Variants in CCDC15 observed in about 807,000 individuals in gnomAD.
CCDC15 encodes coiled-coil domain-containing protein 15.
Under a neutral mutation model 114.5 loss-of-function variants are expected in CCDC15, and 105 were observed. That is an observed-to-expected ratio of 0.92 (90% CI 0.78 to 1.08). CCDC15 has a LOEUF of 1.08. Ranked by LOEUF, CCDC15 falls within the 50% of genes least tolerant of loss-of-function variation. The pLI is 0.00. For synonymous variants in CCDC15, 334 were observed against 377.8 expected, an observed-to-expected ratio of 0.88 and a Z score of 1.34; for missense variants, 1,105 against 1,093.6, an observed-to-expected ratio of 1.01 and a Z score of -0.15.
At chr11:125,033,565 G>A (rs1485245917) in intron 13 of CCDC15, among the ~76,000 whole-genome samples, 1 of 152,114 alleles carries the variant, frequency 6.6e-6, no homozygotes, top group Non-Finnish European at 1.5e-5. Flanking sequence ...CATTGGTTAA[G>A]GATATATCTT....
chr11:125,022,542 G>A (rs1477001024), intron 13 of CCDC15, among the ~76,000 whole-genome samples: 2 of 151,846 alleles, frequency 1.3e-5, no homozygotes, highest in East Asian at 3.9e-4. Flanking sequence ...GGACAGACTT[G>A]GTTTCACAAA....
At chr11:125,009,687 T>C (rs1384371147) in intron 13 of CCDC15, among the ~76,000 whole-genome samples, 1 of 152,186 alleles carries the variant, frequency 6.6e-6, no homozygotes, top group African/African-American at 2.4e-5. Context: ...TCAGTGTTTA[T>C]TGTTTTCATT....
intron 6 of CCDC15, among the ~76,000 whole-genome samples, chr11:124,983,453 T>C (rs931838687): frequency 6.6e-6 from 1 of 152,134 alleles, no homozygotes; most frequent in Non-Finnish European, 1.5e-5. Flanking sequence ...CCTTTGGATT[T>C]TTTTTTTTAA....
Position 124,986,776 on chromosome 11 carries a change from C to A in CCDC15, c.788C>A (p.Ser263Tyr), listed in dbSNP as rs1948172025. The change falls in exon 7 of 16, where the codon TCT becomes TAT. Residue 263 changes from serine (S) to tyrosine (Y), a missense_variant. By Grantham distance (144) the Ser-to-Tyr change is moderately radical. Transcript: ENST00000344762. ...LDYEEPDYEE[S>Y]SSLVTDEKGK... ...TATGAGGAACCTGACTATGAGGAAT[C>A]TTCATCTCTTGTAACTGATGAGAAA... 1.3e-6 allele frequency: 2 copies of A among 1,548,254 alleles called. No individual in the cohort carries two copies. Among genetic ancestry groups the A allele is most frequent in the Non-Finnish European group, 1.7e-6 (2 of 1,145,650 alleles).
At chr11:124,955,430 T>C (rs1457400329) in intron 2 of CCDC15, among the ~76,000 whole-genome samples, 1 of 152,250 alleles carries the variant, frequency 6.6e-6, no homozygotes, top group Non-Finnish European at 1.5e-5. Flanking sequence ...TTTCTGATAG[T>C]CTTTCACCAA....
chr11:124,974,099 T>G (rs1947931229), intron 4 of CCDC15, among the ~76,000 whole-genome samples: 1 of 152,094 alleles, frequency 6.6e-6, no homozygotes, highest in African/African-American at 2.4e-5. Flanking sequence ...CTCAGCCTCC[T>G]GAGTAGCTGG....
intron 4 of CCDC15, among the ~76,000 whole-genome samples, chr11:124,961,665 G>A (rs1376501705): frequency 6.6e-6 from 1 of 152,036 alleles, no homozygotes; most frequent in African/African-American, 2.4e-5. Flanking sequence ...AGTAGCTGGG[G>A]TAGGTGCCTG....
chr11:125,030,773 C>T (rs1948733197), intron 13 of CCDC15, among the ~76,000 whole-genome samples: 1 of 152,166 alleles, frequency 6.6e-6, no homozygotes, highest in South Asian at 2.1e-4. Flanking sequence ...AACCTCCATC[C>T]CTGCCACCAT....
Position 125,039,083 on chromosome 11 carries a change from A to C in CCDC15, c.2734+14A>C. ...AAAACCACAGAGGTAAGTTTCTTGA[A>C]GGAATAGTCAGGGCCTAATGGCAAC... is the stretch of plus-strand genomic sequence containing the variant. On this transcript the variant is annotated intron_variant, in intron 15 of 15. Coordinates refer to ENST00000344762, the MANE Select transcript of CCDC15 (RefSeq NM_025004.3). The C allele has an allele frequency of 6.3e-7, 1 of 1,577,838 alleles. No homozygotes were observed. The highest frequency in any genetic ancestry group is 8.6e-7 in the Non-Finnish European group (1 of 1,158,428).
chr11:124,999,337 T>A (rs1317592567), intron 11 of CCDC15, among the ~76,000 whole-genome samples: 1 of 152,224 alleles, frequency 6.6e-6, no homozygotes, highest in Non-Finnish European at 1.5e-5. Flanking sequence ...TTTGCCATTA[T>A]GTCTCCAAAT....
intron 9 of CCDC15, 106 bp downstream of exon 9, chr11:124,991,689 T>C: frequency 9.5e-7 from 1 of 1,052,406 alleles, no homozygotes; most frequent in Non-Finnish European, 1.3e-6. Context: ...CCTAAGAATA[T>C]AGTGGCTTTT....
chr11:125,006,091 T>A (rs1948549693), intron 13 of CCDC15, among the ~76,000 whole-genome samples: 2 of 152,200 alleles, frequency 1.3e-5, no homozygotes, highest in South Asian at 4.1e-4. Flanking sequence ...AGGCATATGA[T>A]TGCTGGATCA....
chr11:124,987,424 C>G lies in CCDC15; in HGVS notation c.1198C>G (p.Leu400Val), dbSNP rs759435163. ...GIMLKAQSIE[L>V]EEGSIVLKTQ... ...TATGCTGAAAGCCCAGAGTATTGAG[C>G]TAGAAGAAGGGAGTATTGTGTTGAA... Residue 400 changes from leucine (L) to valine (V), a missense_variant, in exon 8 of 16, where the codon CTA becomes GTA. Leu to Val is a conservative substitution (Grantham distance 32). Coordinates refer to ENST00000344762, the MANE Select transcript of CCDC15 (RefSeq NM_025004.3). The G allele has an allele frequency of 1.8e-5, 29 of 1,613,828 alleles. No individual in the cohort carries two copies. Among genetic ancestry groups the G allele is most frequent in the Non-Finnish European group, 2.4e-5 (28 of 1,179,906 alleles).
intron 13 of CCDC15, among the ~76,000 whole-genome samples, chr11:125,029,940 T>C (rs1224514434): frequency 6.6e-6 from 1 of 152,190 alleles, no homozygotes; most frequent in African/African-American, 2.4e-5. Context: ...TCTGGGTTGG[T>C]CATCCCAGCC....
intron 2 of CCDC15, among the ~76,000 whole-genome samples, chr11:124,956,158 T>C (rs1280937548): frequency 1.3e-5 from 2 of 152,178 alleles, no homozygotes; most frequent in African/African-American, 2.4e-5. Context: ...CTTTGTTTAA[T>C]ATTTACAGGT....
chr11:124,961,955 G>T (rs1277384253), intron 4 of CCDC15, among the ~76,000 whole-genome samples: 2 of 152,158 alleles, frequency 1.3e-5, no homozygotes, highest in African/African-American at 4.8e-5. Flanking sequence ...AACCAAAAAT[G>T]GGGTTGGATA....
intron 13 of CCDC15, among the ~76,000 whole-genome samples, chr11:125,011,235 TA>T (rs1413574254): frequency 9.4e-5 from 13 of 138,554 alleles, no homozygotes; most frequent in African/African-American, 3.8e-4. Context: ...TTATTATTAT[TA>T]TTATTATTAT....
intron 15 of CCDC15, 117 bp from the exon 16 acceptor site, chr11:125,040,473 T>C: frequency 1.1e-6 from 1 of 886,338 alleles, no homozygotes. Context: ...TAAATATTTA[T>C]TCAATAGATA....
intron 4 of CCDC15, among the ~76,000 whole-genome samples, chr11:124,970,929 G>A (rs541814487): frequency 2.2e-4 from 34 of 152,230 alleles, no homozygotes; most frequent in African/African-American, 8.2e-4. Context: ...TTTGCTAATT[G>A]TTAAAGTTAT....
Sources: allele counts gnomAD v4.1 joint callset (sites outside exome capture counted in the v4.1 genomes callset), GRCh38; gene constraint gnomAD v4.1.1; transcripts MANE v1.5; gene names NCBI Gene and HGNC (gene_info 2026-07-23, HGNC 2026-07-21).